AKAIN1: variants seen among roughly 807,000 people sequenced by gnomAD.
AKAIN1 encodes A-kinase anchor protein inhibitor 1.
A neutral mutation model predicts 3.7 loss-of-function variants in AKAIN1; 3 were observed. The ratio of observed to expected loss-of-function variants is 0.82; its 90% CI spans 0.37 to 2.12. The LOEUF (loss-of-function observed/expected upper bound fraction) is 2.12. Among genes scored for constraint, AKAIN1 ranks in the 30% most tolerant of loss-of-function variants. The probability of loss-of-function intolerance (pLI) is 0.06; values close to 1 mark genes in which losing one functional copy is unlikely to be tolerated. For missense variants in AKAIN1, 82 were observed against 82.7 expected (o/e 0.99, Z 0.03); for synonymous variants, 31 against 30.8 (o/e 1.01, Z -0.02).
chr18:5,175,843 C>G (rs1320064816), intron 1 of AKAIN1, among the ~76,000 whole-genome samples: 2 of 151,662 alleles, frequency 1.3e-5, no homozygotes, highest in African/African-American at 4.9e-5. Flanking sequence ...AAACATGAAG[C>G]GGCAATTTCA....
chr18:5,192,811 G>A (rs1188696588), intron 1 of AKAIN1, among the ~76,000 whole-genome samples: 2 of 151,776 alleles, frequency 1.3e-5, no homozygotes, highest in Non-Finnish European at 2.9e-5. Context: ...AGGGGGAACG[G>A]TTTGACTACA....
At chr18:5,153,771 A>C (rs181338666) in intron 1 of AKAIN1, among the ~76,000 whole-genome samples, 2 of 152,338 alleles carry the variant, frequency 1.3e-5, no homozygotes, top group East Asian at 3.9e-4. Flanking sequence ...CATAGAATGT[A>C]CAACACCAAG....
rs1360470904 is a variant in AKAIN1 at position 5,143,698 on chromosome 18, T to C, written c.*1864A>G. On this transcript the variant is annotated 3_prime_UTR_variant, in exon 2 of 2. Transcript: ENST00000434239. ...GCTTAAGATATTTCAAAGCTGTATG[T>C]GTTTTATTTATAAATAACATTTAGA... is the stretch of plus-strand genomic sequence containing the variant. Among the ~76,000 whole-genome samples, 1 of 152,246 alleles carries C rather than the reference T, an allele frequency of 6.6e-6. No homozygotes were observed. The highest frequency in any genetic ancestry group is 2.4e-5 in the African/African-American group (1 of 41,456).
chr18:5,172,742 C>T (rs10468761), intron 1 of AKAIN1, among the ~76,000 whole-genome samples: 1,811 of 151,678 alleles, frequency 0.012, 42 homozygotes, highest in East Asian at 0.11. Flanking sequence ...AATTTTACTG[C>T]TGAGGGAAGC....
chr18:5,154,930 C>T (rs1334040177), intron 1 of AKAIN1, among the ~76,000 whole-genome samples: 1 of 152,150 alleles, frequency 6.6e-6, no homozygotes, highest in African/African-American at 2.4e-5. Flanking sequence ...GGACTACAGG[C>T]GCCCGCCACC....
At chr18:5,176,137 C>A (rs745911875) in intron 1 of AKAIN1, among the ~76,000 whole-genome samples, 8 of 152,012 alleles carry the variant, frequency 5.3e-5, no homozygotes, top group Non-Finnish European at 8.8e-5. Context: ...ACCAAACTGA[C>A]AAATAAAGAC....
intron 1 of AKAIN1, among the ~76,000 whole-genome samples, chr18:5,177,944 A>G (rs1054863829): frequency 2.6e-5 from 4 of 152,080 alleles, no homozygotes; most frequent in Non-Finnish European, 5.9e-5. Flanking sequence ...GGAATTCCTG[A>G]GCATAAATGT....
At chr18:5,173,319 C>T (rs1043199617) in intron 1 of AKAIN1, among the ~76,000 whole-genome samples, 5 of 152,054 alleles carry the variant, frequency 3.3e-5, no homozygotes, top group African/African-American at 1.2e-4. Flanking sequence ...TTCCAAATTT[C>T]TGTAATTTTT....
chr18:5,173,585 G>A (rs1598311622), intron 1 of AKAIN1, among the ~76,000 whole-genome samples: 2 of 152,296 alleles, frequency 1.3e-5, no homozygotes, highest in Admixed American at 6.5e-5. Context: ...GCGCCCCAGA[G>A]GGCAGGGGTC....
At chr18:5,176,044 C>T (rs1878638334) in intron 1 of AKAIN1, among the ~76,000 whole-genome samples, 2 of 152,082 alleles carry the variant, frequency 1.3e-5, no homozygotes. Context: ...AAAATGTCCC[C>T]AGACATTGCC....
chr18:5,195,356 A>G (rs1415918830), intron 1 of AKAIN1, among the ~76,000 whole-genome samples: 2 of 152,188 alleles, frequency 1.3e-5, no homozygotes, highest in African/African-American at 4.8e-5. Flanking sequence ...ACTGTTCATT[A>G]CAGTGGCCAT....
intron 1 of AKAIN1, among the ~76,000 whole-genome samples, chr18:5,190,667 T>C (rs2071313758): frequency 6.6e-6 from 1 of 152,168 alleles, no homozygotes; most frequent in Non-Finnish European, 1.5e-5. Flanking sequence ...TTTAGACATT[T>C]ATTTTACACA....
In AKAIN1 at chr18:5,183,170, T is replaced by C. The variant is rs545486940; in HGVS notation, c.16+13868A>G. On this transcript the variant is annotated intron_variant, in intron 1 of 1. Transcript: ENST00000434239. ...ATAAATAATGGCACCTTTTGCTCTATGTCTTTTTTAAAAATGATACATAAA... is the reference window on the plus strand; with the variant it reads ...ATAAATAATGGCACCTTTTGCTCTACGTCTTTTTTAAAAATGATACATAAA... Among the ~76,000 whole-genome samples the C allele has an allele frequency of 3.3e-5, 5 of 152,198 alleles. No individual in the cohort carries two copies. In the South Asian group the frequency reaches 6.2e-4, roughly 19 times the overall value.
chr18:5,186,544 C>T (rs2071288657), intron 1 of AKAIN1, among the ~76,000 whole-genome samples: 2 of 151,980 alleles, frequency 1.3e-5, no homozygotes, highest in African/African-American at 4.8e-5. Context: ...ATACATACCA[C>T]TAAAAGTGGT....
chr18:5,190,004 T>A (rs2071310221), intron 1 of AKAIN1, among the ~76,000 whole-genome samples: 2 of 152,180 alleles, frequency 1.3e-5, no homozygotes, highest in Admixed American at 1.3e-4. Context: ...GACAAGAAAT[T>A]TATTTGGCTC....
chr18:5,168,026 C>A (rs971959516), intron 1 of AKAIN1, among the ~76,000 whole-genome samples: 2 of 152,008 alleles, frequency 1.3e-5, no homozygotes, highest in African/African-American at 4.8e-5. Context: ...GTGGAAGAAA[C>A]CACCATTTCC....
intron 1 of AKAIN1, among the ~76,000 whole-genome samples, chr18:5,193,612 C>G (rs1218041024): frequency 6.6e-6 from 1 of 152,200 alleles, no homozygotes; most frequent in Admixed American, 6.5e-5. Flanking sequence ...TTCCCTCTTT[C>G]TCTTCCTGGA....
intron 1 of AKAIN1, among the ~76,000 whole-genome samples, chr18:5,155,676 G>A (rs924147742): frequency 2.0e-5 from 3 of 152,276 alleles, no homozygotes; most frequent in Admixed American, 6.5e-5. Context: ...AGGCTGGCCC[G>A]AACTCAGGAC....
intron 1 of AKAIN1, among the ~76,000 whole-genome samples, chr18:5,146,002 C>T (rs928387649): frequency 2.0e-5 from 3 of 152,150 alleles, no homozygotes; most frequent in African/African-American, 7.2e-5. Context: ...CACACATCCT[C>T]CCAAACACTT....
Sources: allele counts gnomAD v4.1 joint callset (sites outside exome capture counted in the v4.1 genomes callset), GRCh38; gene constraint gnomAD v4.1.1; transcripts MANE v1.5; gene names NCBI Gene and HGNC (gene_info 2026-07-23, HGNC 2026-07-21).